XYLT1: variants seen among roughly 807,000 people sequenced by gnomAD.
The protein encoded by XYLT1 is beta-D-xylosyltransferase 1.
In XYLT1, 36 loss-of-function variants were observed where a neutral mutation model predicts 91.3. The observed-to-expected ratio is 0.39, with a 90% CI of 0.30 to 0.52. The LOEUF (loss-of-function observed/expected upper bound fraction) is 0.52, where lower values mean the gene tolerates loss of function less well. Among genes scored for constraint, XYLT1 ranks in the 20% least tolerant of loss-of-function variants. The pLI is 0.68. For synonymous variants in XYLT1, 588 were observed against 532.0 expected, an observed-to-expected ratio of 1.11 and a Z score of -1.45; for missense variants, 1,242 against 1,284.5, an observed-to-expected ratio of 0.97 and a Z score of 0.51.
intron 2 of XYLT1, among the ~76,000 whole-genome samples, chr16:17,332,843 C>T (rs2034921908): frequency 6.6e-6 from 1 of 152,020 alleles, no homozygotes; most frequent in Non-Finnish European, 1.5e-5. Context: ...ACTCTTCCAC[C>T]TGTCTGTCCG....
At chr16:17,305,265 A>G (rs2034453733) in intron 2 of XYLT1, among the ~76,000 whole-genome samples, 1 of 152,198 alleles carries the variant, frequency 6.6e-6, no homozygotes, top group African/African-American at 2.4e-5. Flanking sequence ...GCCTAAGACT[A>G]CAGTAACTAA....
At chr16:17,211,110 T>C (rs1197918097) in intron 3 of XYLT1, among the ~76,000 whole-genome samples, 1 of 152,222 alleles carries the variant, frequency 6.6e-6, no homozygotes, top group African/African-American at 2.4e-5. Flanking sequence ...AAGGCGAGTC[T>C]ATTGCAGTAA....
At chr16:17,310,748 C>T (rs2034535407) in intron 2 of XYLT1, among the ~76,000 whole-genome samples, 1 of 152,126 alleles carries the variant, frequency 6.6e-6, no homozygotes, top group Admixed American at 6.5e-5. Flanking sequence ...ACTAGGGAGG[C>T]TGAGGCAGGA....
chr16:17,219,518 A>T (rs1157743520), intron 3 of XYLT1, among the ~76,000 whole-genome samples: 2 of 152,128 alleles, frequency 1.3e-5, no homozygotes, highest in African/African-American at 4.8e-5. Flanking sequence ...GTTCCCTAAC[A>T]TTGGTTTGAG....
chr16:17,301,786 A>G (rs2034399965), intron 2 of XYLT1, among the ~76,000 whole-genome samples: 1 of 152,200 alleles, frequency 6.6e-6, no homozygotes, highest in Admixed American at 6.5e-5. Flanking sequence ...ACAAAAGTGG[A>G]AAGACTAGGC....
chr16:17,363,515 G>A (rs114294344), intron 1 of XYLT1, among the ~76,000 whole-genome samples: 2,275 of 152,164 alleles, frequency 0.015, 53 homozygotes, highest in African/African-American at 0.052. Context: ...TATGCATCCC[G>A]GGTATCTATG....
At chr16:17,341,683 C>T (rs1240113744) in intron 2 of XYLT1, among the ~76,000 whole-genome samples, 1 of 152,240 alleles carries the variant, frequency 6.6e-6, no homozygotes, top group Admixed American at 6.5e-5. Flanking sequence ...AAAAAATTAA[C>T]AGCAGTTATC....
intron 3 of XYLT1, among the ~76,000 whole-genome samples, chr16:17,200,919 A>G (rs2032528622): frequency 6.6e-6 from 1 of 152,244 alleles, no homozygotes; most frequent in African/African-American, 2.4e-5. Flanking sequence ...ACATGGACAC[A>G]TATTAAGCTA....
chr16:17,427,542 C>T (rs1261867657), intron 1 of XYLT1, among the ~76,000 whole-genome samples: 1 of 152,184 alleles, frequency 6.6e-6, no homozygotes, highest in East Asian at 1.9e-4. Context: ...TCTTGGCCTC[C>T]CAAAGCGCTG....
At chr16:17,393,956 T>C (rs1057259672) in intron 1 of XYLT1, among the ~76,000 whole-genome samples, 1 of 151,900 alleles carries the variant, frequency 6.6e-6, no homozygotes, top group Non-Finnish European at 1.5e-5. Flanking sequence ...TTTCTATTTT[T>C]AGTAGAGACG....
intron 1 of XYLT1, among the ~76,000 whole-genome samples, chr16:17,440,425 C>T (rs545740127): frequency 6.6e-6 from 1 of 152,320 alleles, no homozygotes; most frequent in African/African-American, 2.4e-5. Context: ...TTCATGTACA[C>T]ATACACACAT....
At chr16:17,422,239 C>G (rs1020687716) in intron 1 of XYLT1, among the ~76,000 whole-genome samples, 1 of 152,102 alleles carries the variant, frequency 6.6e-6, no homozygotes, top group Non-Finnish European at 1.5e-5. Context: ...CTCTGTCACC[C>G]AGGCTGGAAT....
intron 3 of XYLT1, among the ~76,000 whole-genome samples, chr16:17,223,944 G>A (rs1289772035): frequency 1.3e-5 from 2 of 152,190 alleles, no homozygotes; most frequent in Admixed American, 6.5e-5. Context: ...ACATTGCTAC[G>A]TTTGATTGTT....
intron 2 of XYLT1, among the ~76,000 whole-genome samples, chr16:17,346,508 G>A (rs2141851885): frequency 6.6e-6 from 1 of 152,208 alleles, no homozygotes; most frequent in Non-Finnish European, 1.5e-5. Context: ...TTACCTATCA[G>A]TTTTTCAAAA....
intron 1 of XYLT1, among the ~76,000 whole-genome samples, chr16:17,396,830 C>T (rs2035893069): frequency 6.6e-6 from 1 of 152,100 alleles, no homozygotes; most frequent in African/African-American, 2.4e-5. Context: ...AAGATCAGGC[C>T]ACTGTACTCT....
chr16:17,250,156 A>G lies in XYLT1; in HGVS notation c.913+8832T>C, dbSNP rs918358115. ...GAGGGTACAGCCATCTAGACGCCCA[A>G]TTGATTTCCAGAACCAATGGACATG... On this transcript the variant is annotated intron_variant, in intron 3 of 11. Coordinates refer to ENST00000261381, the MANE Select transcript of XYLT1 (RefSeq NM_022166.4). The G allele has an allele frequency of 1.5e-4, 23 of 152,202 alleles. 2 individuals are homozygous for G. The highest frequency in any genetic ancestry group is 8.5e-4 in the Admixed American group (13 of 15,282). 9.4% of individuals were successfully genotyped at this position (152,202 alleles called of 1,614,324 possible).
At chr16:17,126,023 C>T (rs954036794) in intron 10 of XYLT1, among the ~76,000 whole-genome samples, 2 of 152,202 alleles carry the variant, frequency 1.3e-5, no homozygotes, top group Non-Finnish European at 2.9e-5. Context: ...CAAGGAGATC[C>T]TAAATAGCCC....
At chr16:17,131,427 G>T (rs2141501430) in intron 9 of XYLT1, among the ~76,000 whole-genome samples, 1 of 152,290 alleles carries the variant, frequency 6.6e-6, no homozygotes, top group South Asian at 2.1e-4. Context: ...AAAAAATTAG[G>T]AGATTTGGTT....
Position 17,169,241 on chromosome 16 carries a change from T to C in XYLT1, c.1290-10332A>G, listed in dbSNP as rs548987225. 8.4e-4 allele frequency among the ~76,000 whole-genome samples: 128 copies of C among 152,292 alleles called. 1 individual carries two copies. The highest frequency in any genetic ancestry group is 3.4e-3 in the Middle Eastern group (1 of 294). Reference sequence around the variant, plus strand: ...CATTCAGGGGAGGCTACAAAAAGTATGCTGGGGACACCAGGGGGACAGTAC... The same window carrying C: ...CATTCAGGGGAGGCTACAAAAAGTACGCTGGGGACACCAGGGGGACAGTAC... On this transcript the variant is annotated intron_variant, in intron 5 of 11. Coordinates refer to ENST00000261381, the MANE Select transcript of XYLT1 (RefSeq NM_022166.4).
Sources: gnomAD v4.1 joint callset for allele counts (sites outside exome capture counted in the v4.1 genomes callset) on GRCh38, gnomAD v4.1.1 for gene constraint, MANE v1.5 for transcripts, NCBI Gene and HGNC (gene_info 2026-07-23, HGNC 2026-07-21) for gene names.